The following GLCCI1 variants were observed in gnomAD, a reference collection of about 807,000 sequenced individuals.
GLCCI1 encodes glucocorticoid-induced transcript 1 protein.
GLCCI1 carries 24 observed loss-of-function variants against 52.2 expected under a neutral mutation model. The ratio of observed to expected loss-of-function variants is 0.46; its 90% CI spans 0.33 to 0.65. GLCCI1 has a LOEUF of 0.65. Ranked by LOEUF, GLCCI1 falls within the 30% of genes least tolerant of loss-of-function variation. The pLI is 0.02. For synonymous variants in GLCCI1, 310 were observed against 276.5 expected, an observed-to-expected ratio of 1.12 and a Z score of -1.20; for missense variants, 704 against 701.5, an observed-to-expected ratio of 1.00 and a Z score of -0.04.
chr7:7,983,970 A>G (rs1268677616), intron 1 of GLCCI1, among the ~76,000 whole-genome samples: 1 of 152,214 alleles, frequency 6.6e-6, no homozygotes, highest in Non-Finnish European at 1.5e-5. Context: ...AAGATGGAAG[A>G]TAGATTTCCA....
At chr7:8,036,517 C>A (rs942316509) in intron 3 of GLCCI1, among the ~76,000 whole-genome samples, 1 of 152,104 alleles carries the variant, frequency 6.6e-6, no homozygotes. Context: ...TACAACACCT[C>A]CAAAGGATCA....
Position 8,055,992 on chromosome 7 carries a change from C to CAA in GLCCI1, c.813+457_813+458dup, listed in dbSNP as rs35822583. Among the ~76,000 whole-genome samples the CAA allele has an allele frequency of 7.8e-3, 941 of 120,476 alleles. 10 individuals are homozygous for CAA. Among genetic ancestry groups the CAA allele is most frequent in the African/African-American group, 0.022 (677 of 31,432 alleles). The allele number at this position is 120,476 out of a possible 152,430, so 79.0% of individuals were successfully genotyped here. A position where few individuals can be genotyped will look rare whatever the true frequency, so the allele number is the denominator to read the frequency against. The stretch of plus-strand genomic sequence containing the variant: ...TGGGCGACAGAGCGAGACTCCGTCT[C>CAA]AAAAAAAAAAAAAAACAAAAACCAG... On this transcript the variant is annotated intron_variant, in intron 4 of 7. Transcript: ENST00000223145.
intron 2 of GLCCI1, among the ~76,000 whole-genome samples, chr7:8,011,126 A>G (rs1781254743): frequency 6.7e-6 from 1 of 148,904 alleles, no homozygotes; most frequent in South Asian, 2.1e-4. Flanking sequence ...CTCCTCCCAC[A>G]CAAAAAAAAA....
intron 3 of GLCCI1, among the ~76,000 whole-genome samples, chr7:8,029,437 G>A (rs1370789551): frequency 2.0e-5 from 3 of 152,102 alleles, no homozygotes; most frequent in Non-Finnish European, 4.4e-5. Flanking sequence ...GGCTGTAGAA[G>A]GAATATACCT....
chr7:8,076,872 C>T (rs192926224), intron 6 of GLCCI1, among the ~76,000 whole-genome samples: 2 of 152,022 alleles, frequency 1.3e-5, no homozygotes, highest in African/African-American at 4.8e-5. Flanking sequence ...ATGATATGCC[C>T]ATTTTTTAAT....
Position 8,086,476 on chromosome 7 carries a change from C to T in GLCCI1, c.1582C>T (p.Gln528Ter), listed in dbSNP as rs762873214. ...ASVQQPSQQQQLLQELQGEDH... is the reference protein window; with the variant it reads ...ASVQQPSQQQ ...TGTCCAGCAGCCATCCCAGCAGCAG[C>T]AGCTCCTGCAGGAACTGCAGGGTGA... Residue 528 changes from glutamine to a stop codon, truncating the protein, a stop_gained, in exon 8 of 8, where the codon CAG becomes TAG. Coordinates refer to ENST00000223145, the MANE Select transcript of GLCCI1 (RefSeq NM_138426.4). LOFTEE classifies it high-confidence loss of function. This position sits in a 1 kb window ranked among gnomAD's most constrained non-coding sequence, Gnocchi z 4.4. 3.1e-6 allele frequency: 5 copies of T among 1,614,116 alleles called. No homozygotes were observed. The Admixed American group carries it at 8.3e-5, about 27-fold the overall frequency.
intron 6 of GLCCI1, 129 bp downstream of exon 6, chr7:8,071,260 G>T (rs1782755611): frequency 1.4e-6 from 1 of 730,004 alleles, no homozygotes; most frequent in Non-Finnish European, 2.2e-6. Context: ...GTTAATCTAG[G>T]TTTCTTTGTT....
At chr7:8,047,884 T>C (rs1782168616) in intron 3 of GLCCI1, among the ~76,000 whole-genome samples, 1 of 152,220 alleles carries the variant, frequency 6.6e-6, no homozygotes, top group African/African-American at 2.4e-5. Context: ...TCTCTTATGA[T>C]AATCAAAGCT....
rs1428145320 is a variant in GLCCI1 at position 8,067,866 on chromosome 7, T to C, written c.967-3055T>C. 2.6e-5 allele frequency among the ~76,000 whole-genome samples: 4 copies of C among 152,314 alleles called. No homozygotes were observed. The East Asian group carries it at 7.7e-4, about 29-fold the overall frequency. The stretch of plus-strand genomic sequence containing the variant: ...CTTGTGTAGTATTTTGCAGGGGTTC[T>C]CTGCATTTCCTGAATTTGAATGTTG... On this transcript the variant is annotated intron_variant, in intron 5 of 7. Coordinates refer to ENST00000223145, the MANE Select transcript of GLCCI1 (RefSeq NM_138426.4).
chr7:7,979,763 T>A (rs1780570094), intron 1 of GLCCI1, among the ~76,000 whole-genome samples: 1 of 152,214 alleles, frequency 6.6e-6, no homozygotes, highest in Non-Finnish European at 1.5e-5. Flanking sequence ...CAGTGATGCC[T>A]TGTGAGGCTG....
At chr7:7,998,019 A>G (rs558458012) in intron 1 of GLCCI1, among the ~76,000 whole-genome samples, 3 of 151,898 alleles carry the variant, frequency 2.0e-5, no homozygotes, top group African/African-American at 7.2e-5. Context: ...AAATTTTCAG[A>G]CTTAGGGTTA....
chr7:8,082,291 A>T (rs1783012653), intron 6 of GLCCI1, among the ~76,000 whole-genome samples: 1 of 152,190 alleles, frequency 6.6e-6, no homozygotes, highest in Non-Finnish European at 1.5e-5. Context: ...TATGTAAAAT[A>T]TGTCTTCTTT....
rs1782365861 is a variant in GLCCI1, at chr7:8,055,477, T to G, written c.741T>G (p.Ser247Arg). 1.2e-6 allele frequency: 2 copies of G among 1,613,604 alleles called. No individual in the cohort carries two copies. Among genetic ancestry groups the G allele is most frequent in the Admixed American group, 1.7e-5 (1 of 59,984 alleles). Residue 247 changes from serine (S) to arginine (R), a missense_variant, in exon 4 of 8, where the codon AGT (serine) becomes AGG (arginine). Physicochemically the swap from Ser to Arg is moderately radical, Grantham distance 110. Coordinates refer to ENST00000223145, the MANE Select transcript of GLCCI1 (RefSeq NM_138426.4). The stretch of plus-strand genomic sequence containing the variant: ...AGCAACTACAACGCAGTAAACAGAG[T>G]AGTCGTCACAGTAAGGAGAAAGATC... Reference protein sequence around the residue: ...LRQQLQRSKQSSRHSKEKDRQ... With the variant: ...LRQQLQRSKQRSRHSKEKDRQ...
intron 6 of GLCCI1, among the ~76,000 whole-genome samples, chr7:8,073,509 T>G (rs1233099780): frequency 6.6e-6 from 1 of 152,168 alleles, no homozygotes; most frequent in Non-Finnish European, 1.5e-5. Flanking sequence ...ATCCTCTTGT[T>G]TTTTTAATAT....
chr7:8,018,991 T>G (rs935617036), intron 2 of GLCCI1, among the ~76,000 whole-genome samples: 5 of 152,220 alleles, frequency 3.3e-5, no homozygotes, highest in African/African-American at 9.6e-5. Flanking sequence ...GTTATTTTCC[T>G]GATTGAAATG....
intron 1 of GLCCI1, among the ~76,000 whole-genome samples, chr7:8,001,529 T>G (rs925384351): frequency 6.6e-6 from 1 of 152,222 alleles, no homozygotes; most frequent in Non-Finnish European, 1.5e-5. Flanking sequence ...AGTTCAACTA[T>G]TGTGGAAGAC....
chr7:8,066,857 A>G lies in GLCCI1; in HGVS notation c.967-4064A>G, dbSNP rs575546242. Among the ~76,000 whole-genome samples, 14 of 151,894 alleles carry G rather than the reference A, an allele frequency of 9.2e-5. No individual in the cohort carries two copies. In the East Asian group the frequency reaches 9.6e-4, roughly 10 times the overall value. On this transcript the variant is annotated intron_variant, in intron 5 of 7. Coordinates refer to ENST00000223145, the MANE Select transcript of GLCCI1 (RefSeq NM_138426.4). The stretch of plus-strand genomic sequence containing the variant: ...TGGTAATGAGAAGAATGTATATTCT[A>G]TTGTTTTGGGTTGAAGAGTTCTGTA...
At chr7:8,043,325 C>G in intron 3 of GLCCI1, among the ~76,000 whole-genome samples, 1 of 143,452 alleles carries the variant, frequency 7.0e-6, no homozygotes, top group Non-Finnish European at 1.5e-5. Flanking sequence ...TTCAACAATG[C>G]TGTGGTAAAA....
At chr7:8,008,048 A>G (rs534779018) in intron 2 of GLCCI1, among the ~76,000 whole-genome samples, 2 of 152,288 alleles carry the variant, frequency 1.3e-5, no homozygotes, top group South Asian at 2.1e-4. Context: ...ACATCAATCT[A>G]TTTAACATAT....
Sources: allele counts gnomAD v4.1 joint callset (sites outside exome capture counted in the v4.1 genomes callset), GRCh38; gene constraint gnomAD v4.1.1; non-coding constraint Gnocchi (gnomAD v3.1); transcripts MANE v1.5; gene names NCBI Gene and HGNC (gene_info 2026-07-23, HGNC 2026-07-21).